COQ7: variants seen among roughly 807,000 people sequenced by gnomAD.
COQ7 encodes NADPH-dependent 3-demethoxyubiquinone 3-hydroxylase, mitochondrial.
A neutral mutation model predicts 25.0 loss-of-function variants in COQ7; 21 were observed. The observed-to-expected ratio is 0.84, with a 90% CI of 0.60 to 1.21. The LOEUF is 1.21. COQ7 is among the 50% of genes most tolerant of loss of function. COQ7 has a pLI of 0.00. For synonymous variants in COQ7, 125 were observed against 112.4 expected, an observed-to-expected ratio of 1.11 and a Z score of -0.71; for missense variants, 311 against 296.2, an observed-to-expected ratio of 1.05 and a Z score of -0.37.
intron 1 of COQ7, among the ~76,000 whole-genome samples, chr16:19,070,107 T>C (rs983730112): frequency 1.3e-5 from 2 of 152,094 alleles, no homozygotes; most frequent in Non-Finnish European, 1.5e-5. Context: ...TAGTCAGATA[T>C]GCTCAGTGAG....
At chr16:19,075,215 T>C (rs1203892402) in intron 3 of COQ7, among the ~76,000 whole-genome samples, 3 of 137,296 alleles carry the variant, frequency 2.2e-5, no homozygotes, top group Admixed American at 7.1e-5. Flanking sequence ...TTTTTTTTTT[T>C]TTTTTGAGAT....
chr16:19,074,022 G>T lies in COQ7; in HGVS notation c.354G>T (p.Leu118=). ...PTVLMPLWNV[L]GFALGAGTAL... ...TTCTGATGCCCTTGTGGAACGTGCTGGGGTTTGCACTGGGTACGTGTCTCT... is the reference window on the plus strand; with the variant it reads ...TTCTGATGCCCTTGTGGAACGTGCTTGGGTTTGCACTGGGTACGTGTCTCT... The change falls in exon 3 of 6, where the codon CTG becomes CTT. Residue 118 remains leucine, a synonymous_variant. Transcript: ENST00000321998. The T allele has an allele frequency of 6.2e-7, 1 of 1,613,136 alleles. No homozygotes were observed. Among genetic ancestry groups the T allele is most frequent in the East Asian group, 2.2e-5 (1 of 44,856 alleles).
chr16:19,072,990 A>C (rs1046061681), intron 2 of COQ7, among the ~76,000 whole-genome samples: 5 of 152,048 alleles, frequency 3.3e-5, no homozygotes, highest in African/African-American at 1.2e-4. Context: ...GGGCAATGTG[A>C]TGAGACTCCG....
intron 1 of COQ7, chr16:19,068,579 G>T (rs1268138921): frequency 4.9e-6 from 1 of 205,222 alleles, no homozygotes; most frequent in African/African-American, 2.4e-5. Context: ...TTGAACCCGG[G>T]AGGCAGAGAT....
intron 5 of COQ7, among the ~76,000 whole-genome samples, chr16:19,077,633 T>C (rs1962929913): frequency 7.7e-6 from 1 of 129,172 alleles, no homozygotes; most frequent in Non-Finnish European, 1.6e-5. Flanking sequence ...CTGTCTCCCA[T>C]GCTGGAGTGC....
chr16:19,079,083 G>A lies in COQ7; in HGVS notation c.*925G>A, dbSNP rs945801155. On this transcript the variant is annotated 3_prime_UTR_variant, in exon 6 of 6. Coordinates refer to ENST00000321998, the MANE Select transcript of COQ7 (RefSeq NM_016138.5). ...AGTGGAGCCCTCATGAATGGGATCA[G>A]TGCCTTATGAAAGGCCCTAGAGAGA... 1 of 152,158 alleles carries A rather than the reference G, an allele frequency of 6.6e-6. No homozygotes were observed. The highest frequency in any genetic ancestry group is 2.4e-5 in the African/African-American group (1 of 41,446). 9.4% of individuals were successfully genotyped at this position (152,158 alleles called of 1,614,324 possible). A position where few individuals can be genotyped will look rare whatever the true frequency, so the allele number is the denominator to read the frequency against.
At chr16:19,083,028 C>G (rs72779504), downstream of COQ7, among the ~76,000 whole-genome samples, 1 of 151,934 alleles carries the variant, frequency 6.6e-6, no homozygotes, top group South Asian at 2.1e-4. Flanking sequence ...GTTCTAGAAT[C>G]GGTGATAGTT....
At chr16:19,074,063 C>G in intron 3 of COQ7, 28 bp downstream of exon 3, 1 of 1,529,570 alleles carries the variant, frequency 6.5e-7, no homozygotes. Flanking sequence ...AGAGCTTATG[C>G]AAGCTTGGGG....
chr16:19,075,719 A>G lies in COQ7; in HGVS notation c.368-2A>G. 1 of 1,564,350 alleles carries G rather than the reference A, an allele frequency of 6.4e-7. No homozygotes were observed. Among genetic ancestry groups the G allele is most frequent in the Non-Finnish European group, 8.6e-7 (1 of 1,158,998 alleles). On this transcript the variant is annotated splice_acceptor_variant, in intron 3 of 5. Coordinates refer to ENST00000321998, the MANE Select transcript of COQ7 (RefSeq NM_016138.5). LOFTEE classifies it high-confidence loss of function. The stretch of plus-strand genomic sequence containing the variant: ...TTTCTGGTCTGGGTTTAACAATCCC[A>G]GGGGCGGGGACCGCCTTGCTCGGGA...
chr16:19,075,097 A>G (rs565102797), intron 3 of COQ7, among the ~76,000 whole-genome samples: 2 of 152,210 alleles, frequency 1.3e-5, no homozygotes, highest in East Asian at 1.9e-4. Context: ...TTAACTGTGT[A>G]ATTCCAGGTT....
chr16:19,071,361 C>G (rs923256514), intron 1 of COQ7, among the ~76,000 whole-genome samples: 1 of 152,230 alleles, frequency 6.6e-6, no homozygotes, highest in African/African-American at 2.4e-5. Flanking sequence ...GTCTCAAACT[C>G]CTGACCTCAG....
At chr16:19,082,124 A>C (rs1273604401), downstream of COQ7, among the ~76,000 whole-genome samples, 2 of 152,252 alleles carry the variant, frequency 1.3e-5, no homozygotes, top group African/African-American at 4.8e-5. Flanking sequence ...CTGATGAACA[A>C]AATGGCAATA....
At chr16:19,077,604 T>TTTTTTTTTTTTTTTTTTTTTTTC (rs1555522742) in intron 5 of COQ7, among the ~76,000 whole-genome samples, 2 of 143,616 alleles carry the variant, frequency 1.4e-5, no homozygotes, top group African/African-American at 5.2e-5. Context: ...TTTTTTTTTT[T>TTTTTTTTTTTTTTTTTTTTTTTC]CCCAGACACA....
At chr16:19,077,446 G>A (rs2142395864) in intron 5 of COQ7, 72 bp downstream of exon 5, 23 of 1,290,836 alleles carry the variant, frequency 1.8e-5, no homozygotes, top group Non-Finnish European at 2.5e-5. Flanking sequence ...GGAGGTTTCT[G>A]TTGCCAGAAA....
In COQ7 at chr16:19,067,658, T is replaced by A; in HGVS notation, c.-7T>A. ...CAACGAAGTGGTTGCTTTTTTTAGT[T>A]CCGGCAATGAGTTGCGCCGGGGCGG... On this transcript the variant is annotated 5_prime_UTR_variant, in exon 1 of 6. Transcript: ENST00000321998. 6.2e-7 allele frequency: 1 copy of A among 1,613,576 alleles called. No individual in the cohort carries two copies. Among genetic ancestry groups the A allele is most frequent in the Non-Finnish European group, 8.5e-7 (1 of 1,179,740 alleles).
intron 1 of COQ7, among the ~76,000 whole-genome samples, chr16:19,071,094 C>T (rs977499944): frequency 6.6e-6 from 1 of 152,196 alleles, no homozygotes. Context: ...ATCGAATGCC[C>T]AACGGTGTGG....
chr16:19,082,594 G>A (rs1963115621), downstream of COQ7, among the ~76,000 whole-genome samples: 1 of 152,066 alleles, frequency 6.6e-6, no homozygotes, highest in Non-Finnish European at 1.5e-5. Context: ...GACCAGCCTG[G>A]CCAAGATGGT....
chr16:19,075,121 C>T (rs1308107629), intron 3 of COQ7, among the ~76,000 whole-genome samples: 1 of 151,816 alleles, frequency 6.6e-6, no homozygotes, highest in African/African-American at 2.4e-5. Context: ...CACTGGGATC[C>T]AGTGTCTCCT....
Position 19,067,683 on chromosome 16 carries a change from G to T in COQ7, c.19G>T (p.Ala7Ser), listed in dbSNP as rs766573744. 12 of 1,611,250 alleles carry T rather than the reference G, an allele frequency of 7.4e-6. No individual in the cohort carries two copies. Among genetic ancestry groups the T allele is most frequent in the Middle Eastern group, 1.7e-4 (1 of 6,044 alleles). ...TCCGGCAATGAGTTGCGCCGGGGCG[G>T]CGGCGGCTCCCCGCCTTTGGCGGCT... MSCAGA[A>S]AAPRLWRLRP... Residue 7 changes from alanine to serine, a missense_variant, in exon 1 of 6, where the codon GCG becomes TCG. Ala to Ser is a moderately conservative substitution (Grantham distance 99). Transcript: ENST00000321998.
Sources: gnomAD v4.1 joint callset for allele counts (sites outside exome capture counted in the v4.1 genomes callset) on GRCh38, gnomAD v4.1.1 for gene constraint, MANE v1.5 for transcripts, NCBI Gene and HGNC (gene_info 2026-07-23, HGNC 2026-07-21) for gene names.